Variants in AGAP1 observed in about 807,000 individuals in gnomAD.
AGAP1 encodes ArfGAP with GTPase domain, ankyrin repeat and PH domain 1.
A neutral mutation model predicts 105.3 loss-of-function variants in AGAP1; 29 were observed. The ratio of observed to expected loss-of-function variants is 0.28; its 90% CI spans 0.21 to 0.38. The LOEUF is 0.38. Among genes scored for constraint, AGAP1 ranks in the 10% least tolerant of loss-of-function variants. The pLI, the probability that AGAP1 is intolerant of heterozygous loss-of-function variation, is 1.00. For missense variants in AGAP1, 998 were observed against 1,165.1 expected (o/e 0.86, Z 2.09); for synonymous variants, 509 against 485.9 (o/e 1.05, Z -0.63).
chr2:235,929,441 T>C lies in AGAP1; in HGVS notation c.1325-1324T>C, dbSNP rs58913170. 8.9e-4 allele frequency among the ~76,000 whole-genome samples: 136 copies of C among 152,322 alleles called. No individual in the cohort carries two copies. In the East Asian group the frequency reaches 0.023, roughly 26 times the overall value. On this transcript the variant is annotated intron_variant, in intron 11 of 17. Coordinates refer to ENST00000304032, the MANE Select transcript of AGAP1 (RefSeq NM_001037131.3). ...GGAATCAAGCAGACCTGCCTATGAA[T>C]AATTTCCCTTATGACGTTCAGAATG... is the stretch of plus-strand genomic sequence containing the variant.
At chr2:235,572,001 CACTT>C (rs200494331) in intron 1 of AGAP1, among the ~76,000 whole-genome samples, 34 of 118,912 alleles carry the variant, frequency 2.9e-4, no homozygotes, top group African/African-American at 5.9e-4. Context: ...CACACACACA[CACTT>C]TTTTTTTTTT....
At chr2:235,590,081 A>G (rs1945277006) in intron 1 of AGAP1, among the ~76,000 whole-genome samples, 3 of 151,990 alleles carry the variant, frequency 2.0e-5, no homozygotes, top group African/African-American at 7.3e-5. Context: ...GGGTTTCACC[A>G]TGTTGAGCAG....
At position 235,754,584 on chromosome 2, in the gene AGAP1, T is replaced by C. The variant is rs1233359425; in HGVS notation, c.673+4096T>C. On this transcript the variant is annotated intron_variant, in intron 6 of 17. Coordinates refer to ENST00000304032, the MANE Select transcript of AGAP1 (RefSeq NM_001037131.3). This position sits in a 1 kb window ranked among gnomAD's most constrained non-coding sequence, Gnocchi z 4.6. ...TTGTAACAAAAGGACATTGTAAAAA[T>C]GAATGGAGAAACCTTGCATTCACTT... is the stretch of plus-strand genomic sequence containing the variant. Among the ~76,000 whole-genome samples, 1 of 152,232 alleles carries C rather than the reference T, an allele frequency of 6.6e-6. No homozygotes were observed. Among genetic ancestry groups the C allele is most frequent in the East Asian group, 1.9e-4 (1 of 5,194 alleles).
In AGAP1 at chr2:235,961,664, C is replaced by T. The variant is rs1357339440; in HGVS notation, c.1484-6798C>T. Among the ~76,000 whole-genome samples, 1 of 152,172 alleles carries T rather than the reference C, an allele frequency of 6.6e-6. No homozygotes were observed. The highest frequency in any genetic ancestry group is 1.5e-5 in the Non-Finnish European group (1 of 68,036). On this transcript the variant is annotated intron_variant, in intron 12 of 17. Transcript: ENST00000304032. The surrounding 1 kb of genome is among the most constrained non-coding windows in gnomAD (Gnocchi z 5.9). ...GTGGCTCATGCCTATAATCCCAGCA[C>T]TTTGGGAGGCCAAGGCGGATGGATC...
At chr2:235,666,888 C>T (rs1948144465) in intron 1 of AGAP1, among the ~76,000 whole-genome samples, 1 of 152,016 alleles carries the variant, frequency 6.6e-6, no homozygotes, top group African/African-American at 2.4e-5. Context: ...GAACATTGCC[C>T]TGGTCTCAAA....
chr2:235,543,820 G>A (rs1943533907), intron 1 of AGAP1, among the ~76,000 whole-genome samples: 1 of 152,202 alleles, frequency 6.6e-6, no homozygotes, highest in Non-Finnish European at 1.5e-5. Flanking sequence ...AGCTCACACT[G>A]GCCCTAGGGG....
Position 235,959,778 on chromosome 2 carries a change from A to C in AGAP1, c.1484-8684A>C, listed in dbSNP as rs890908485. ...GGCAAGCATCTGGAACTAGCACCAG[A>C]GCTTCCTCCTGTCAAAGCTGTGCCA... On this transcript the variant is annotated intron_variant, in intron 12 of 17. Transcript: ENST00000304032. The surrounding 1 kb of genome is among the most constrained non-coding windows in gnomAD (Gnocchi z 7.3). Among the ~76,000 whole-genome samples the C allele has an allele frequency of 6.6e-6, 1 of 152,022 alleles. No homozygotes were observed. The highest frequency in any genetic ancestry group is 2.4e-5 in the African/African-American group (1 of 41,386).
At position 235,552,476 on chromosome 2, in the gene AGAP1, G is replaced by A. The variant is rs1943844341; in HGVS notation, c.163+57627G>A. 6.6e-6 allele frequency among the ~76,000 whole-genome samples: 1 copy of A among 152,154 alleles called. No individual in the cohort carries two copies. The highest frequency in any genetic ancestry group is 1.5e-5 in the Non-Finnish European group (1 of 68,020). On this transcript the variant is annotated intron_variant, in intron 1 of 17. Transcript: ENST00000304032. The surrounding 1 kb of genome is among the most constrained non-coding windows in gnomAD (Gnocchi z 5.9). ...CTGCTTGAGTGCAGTGCAGAGCACT[G>A]GGAAATGGACTTCCTGGGAAGTGTG... is the stretch of plus-strand genomic sequence containing the variant.
intron 1 of AGAP1, among the ~76,000 whole-genome samples, chr2:235,544,145 T>G (rs1943547705): frequency 1.3e-5 from 2 of 152,208 alleles, no homozygotes; most frequent in African/African-American, 4.8e-5. Flanking sequence ...TAAAAGGCAT[T>G]TCATTTGTGA....
chr2:235,605,782 T>A (rs1036526982), intron 1 of AGAP1, among the ~76,000 whole-genome samples: 5 of 152,238 alleles, frequency 3.3e-5, no homozygotes, highest in Non-Finnish European at 7.3e-5. Flanking sequence ...CAGCAATTAG[T>A]CAATGACTCT....
intron 3 of AGAP1, among the ~76,000 whole-genome samples, chr2:235,731,620 C>T (rs1283361967): frequency 1.3e-5 from 2 of 152,122 alleles, no homozygotes; most frequent in African/African-American, 4.8e-5. Flanking sequence ...TTTCAGAGCT[C>T]TCCATGTGTG....
intron 14 of AGAP1, among the ~76,000 whole-genome samples, chr2:236,039,784 G>A (rs902975666): frequency 1.3e-5 from 2 of 152,210 alleles, no homozygotes; most frequent in Non-Finnish European, 2.9e-5. Context: ...GTACATATGT[G>A]TATGTAGATG....
At chr2:235,670,778 G>T in intron 1 of AGAP1, 1 of 1,208,496 alleles carries the variant, frequency 8.3e-7, no homozygotes, top group Non-Finnish European at 1.2e-6. Context: ...CTCGGACCTG[G>T]AGCGTTGGGA....
At chr2:235,670,681 C>A in intron 1 of AGAP1, 1 of 692,780 alleles carries the variant, frequency 1.4e-6, no homozygotes, top group Admixed American at 2.1e-5. Context: ...CCGGGACCAC[C>A]CTGGAGCCCG....
At chr2:235,807,479 T>G in intron 9 of AGAP1, 148 bp downstream of exon 9, 1 of 634,082 alleles carries the variant, frequency 1.6e-6, no homozygotes. Context: ...ATTAGCAGAG[T>G]TCCTGTGTGT....
chr2:236,103,358 C>A (rs1374308512), intron 16 of AGAP1, among the ~76,000 whole-genome samples: 2 of 152,146 alleles, frequency 1.3e-5, no homozygotes, highest in East Asian at 3.9e-4. Context: ...ATGTTAGCCC[C>A]CAAGGGGGCA....
chr2:235,895,688 A>G (rs1429894944), intron 10 of AGAP1, among the ~76,000 whole-genome samples: 2 of 150,718 alleles, frequency 1.3e-5, no homozygotes, highest in East Asian at 3.9e-4. Flanking sequence ...AACATCTGGA[A>G]CACTGGCTTG....
At chr2:235,511,924 ATG>A (rs760593682) in intron 1 of AGAP1, among the ~76,000 whole-genome samples, 5 of 129,716 alleles carry the variant, frequency 3.9e-5, no homozygotes, top group African/African-American at 1.2e-4. Context: ...ATGTGTGTGA[ATG>A]TGTGAATGTG....
Position 235,889,196 on chromosome 2 carries a change from G to A in AGAP1, c.1155+5747G>A, listed in dbSNP as rs1222345555. Reference sequence around the variant, plus strand: ...CCAAACAAACAGTCGGTATGTGGCCGTGCTGTGCACCGAGCTCGTGGAATC... The same window carrying A: ...CCAAACAAACAGTCGGTATGTGGCCATGCTGTGCACCGAGCTCGTGGAATC... On this transcript the variant is annotated intron_variant, in intron 10 of 17. Coordinates refer to ENST00000304032, the MANE Select transcript of AGAP1 (RefSeq NM_001037131.3). The surrounding 1 kb of genome is among the most constrained non-coding windows in gnomAD (Gnocchi z 4.6). 6.6e-6 allele frequency among the ~76,000 whole-genome samples: 1 copy of A among 152,178 alleles called. No individual in the cohort carries two copies. The highest frequency in any genetic ancestry group is 6.5e-5 in the Admixed American group (1 of 15,282).
Sources: gnomAD v4.1 joint callset for allele counts (sites outside exome capture counted in the v4.1 genomes callset) on GRCh38, gnomAD v4.1.1 for gene constraint, Gnocchi (gnomAD v3.1) non-coding constraint, MANE v1.5 for transcripts, NCBI Gene and HGNC (gene_info 2026-07-23, HGNC 2026-07-21) for gene names.